Variants in SMAD9 observed in about 807,000 individuals in gnomAD.
The protein encoded by SMAD9 is SMAD family member 9, also known as MAD homolog 9.
Under a neutral mutation model 46.1 loss-of-function variants are expected in SMAD9, and 36 were observed. The ratio of observed to expected loss-of-function variants is 0.78; its 90% CI spans 0.60 to 1.03. The LOEUF (loss-of-function observed/expected upper bound fraction) is 1.03. SMAD9 is among the 50% of genes least tolerant of loss of function. The pLI, the probability that SMAD9 is intolerant of heterozygous loss-of-function variation, is 0.00. For missense variants in SMAD9, 572 were observed against 599.8 expected, an observed-to-expected ratio of 0.95 and a Z score of 0.48; for synonymous variants, 245 against 237.1, an observed-to-expected ratio of 1.03 and a Z score of -0.31.
intron 2 of SMAD9, among the ~76,000 whole-genome samples, chr13:36,878,513 C>A (rs2058368884): frequency 6.6e-6 from 1 of 152,182 alleles, no homozygotes; most frequent in Non-Finnish European, 1.5e-5. Context: ...GAAGAAATTA[C>A]TTACTGATGC....
chr13:36,876,673 A>T (rs1317720421), intron 2 of SMAD9, among the ~76,000 whole-genome samples: 2 of 152,222 alleles, frequency 1.3e-5, no homozygotes. Context: ...CTTGGAAAGC[A>T]CTGAAGTCAA....
chr13:36,855,659 T>C (rs1468838499), intron 5 of SMAD9, among the ~76,000 whole-genome samples: 1 of 152,184 alleles, frequency 6.6e-6, no homozygotes, highest in Non-Finnish European at 1.5e-5. Context: ...ACTCTGAATC[T>C]AGGAAACGTT....
intron 5 of SMAD9, among the ~76,000 whole-genome samples, chr13:36,853,957 A>G (rs1464554736): frequency 1.3e-5 from 2 of 152,102 alleles, no homozygotes; most frequent in African/African-American, 4.8e-5. Flanking sequence ...TCGGGAGTTC[A>G]AGACTAGCCT....
chr13:36,905,638 G>C (rs1409329084), intron 1 of SMAD9, among the ~76,000 whole-genome samples: 1 of 151,632 alleles, frequency 6.6e-6, no homozygotes, highest in African/African-American at 2.4e-5. Flanking sequence ...GCCAGGTGTG[G>C]CTCTGCAGGC....
chr13:36,911,812 G>A lies in SMAD9; in HGVS notation c.-187+8304C>T, dbSNP rs186090653. Among the ~76,000 whole-genome samples the A allele has an allele frequency of 5.4e-3, 817 of 152,218 alleles. 20 individuals are homozygous for A. Among genetic ancestry groups the A allele is most frequent in the Admixed American group, 0.041 (620 of 15,292 alleles). On this transcript the variant is annotated intron_variant, in intron 1 of 6. Transcript: ENST00000379826. ...CAACCTCTGCCTCCTGGGTTCAAGC[G>A]ATTCTCCTGCCTCAGCCTCCCCAGT...
At chr13:36,855,667 G>A (rs181006084) in intron 5 of SMAD9, among the ~76,000 whole-genome samples, 2 of 152,290 alleles carry the variant, frequency 1.3e-5, no homozygotes, top group East Asian at 1.9e-4. Context: ...TCTAGGAAAC[G>A]TTACTGACAT....
intron 3 of SMAD9, among the ~76,000 whole-genome samples, chr13:36,872,387 T>C (rs1053020391): frequency 3.3e-5 from 5 of 150,904 alleles, no homozygotes; most frequent in Admixed American, 6.6e-5. Context: ...AAAAAAATCC[T>C]TGGAAATTCC....
intron 1 of SMAD9, among the ~76,000 whole-genome samples, chr13:36,908,696 G>A (rs1048203766): frequency 2.0e-5 from 3 of 151,932 alleles, no homozygotes; most frequent in African/African-American, 4.8e-5. Context: ...CATAATAATC[G>A]CATCTGATAA....
chr13:36,872,768 G>C lies in SMAD9; in HGVS notation c.560C>G (p.Ser187Cys). ...GTGGCTGGGTGAGGGAGGGAGTGCA[G>C]AGCACGGAGGCTGCTGGAAAGAGTC... ...YPDSFQQPPC[S>C]ALPPSPSHAF... is the part of the protein sequence containing the mutation. The change falls in exon 3 of 7, where the codon TCT becomes TGT. Residue 187 changes from serine (S) to cysteine (C), a missense_variant. Physicochemically the swap from Ser to Cys is moderately radical, Grantham distance 112. Transcript: ENST00000379826. 2 of 1,614,122 alleles carry C rather than the reference G, an allele frequency of 1.2e-6. No individual in the cohort carries two copies. Among genetic ancestry groups the C allele is most frequent in the Non-Finnish European group, 1.7e-6 (2 of 1,180,022 alleles).
intron 6 of SMAD9, among the ~76,000 whole-genome samples, chr13:36,850,419 AC>A (rs1343636066): frequency 6.6e-6 from 1 of 152,056 alleles, no homozygotes; most frequent in Non-Finnish European, 1.5e-5. Context: ...TGGCTCTGTC[AC>A]CCAGGCTGGA....
chr13:36,875,638 CTTCT>C (rs1193240780), intron 2 of SMAD9, among the ~76,000 whole-genome samples: 7 of 152,316 alleles, frequency 4.6e-5, no homozygotes, highest in Middle Eastern at 3.4e-3. Context: ...ATGTGTATGG[CTTCT>C]TTGTCAATGA....
At chr13:36,897,286 T>A (rs939859354) in intron 1 of SMAD9, among the ~76,000 whole-genome samples, 4 of 152,242 alleles carry the variant, frequency 2.6e-5, no homozygotes, top group African/African-American at 9.6e-5. Flanking sequence ...TATAGATATT[T>A]TACTCTGCAT....
intron 3 of SMAD9, among the ~76,000 whole-genome samples, chr13:36,869,219 C>T (rs377649438): frequency 6.2e-4 from 94 of 151,692 alleles, no homozygotes; most frequent in African/African-American, 2.1e-3. Context: ...ATGAATGCAC[C>T]TAATGCCATC....
In SMAD9 at chr13:36,879,375, G is replaced by A. The variant is rs762750720; in HGVS notation, c.315C>T (p.His105=). Residue 105 remains histidine, a synonymous_variant, in exon 2 of 7, where the codon CAC becomes CAT. Transcript: ENST00000379826. Reference sequence around the variant, plus strand: ...CACAGCACTCCAGCGGCTTCAGCTCGTGGTGGGACTGCAGATCCGGCCAGC... The same window carrying A: ...CACAGCACTCCAGCGGCTTCAGCTCATGGTGGGACTGCAGATCCGGCCAGC... ...VWRWPDLQSH[H]ELKPLECCEF... 29 of 1,613,956 alleles carry A rather than the reference G, an allele frequency of 1.8e-5. No individual in the cohort carries two copies. The highest frequency in any genetic ancestry group is 1.2e-4 in the Admixed American group (7 of 60,004).
Position 36,885,276 on chromosome 13 carries a change from T to C in SMAD9, c.-186-5401A>G, listed in dbSNP as rs1019926590. On this transcript the variant is annotated intron_variant, in intron 1 of 6. Transcript: ENST00000379826. ...TACTTTACACACAAGTATAAAACTA[T>C]GTCCAAAAGGACTTCTATCTAGAAA... is the stretch of plus-strand genomic sequence containing the variant. Among the ~76,000 whole-genome samples, 5 of 152,328 alleles carry C rather than the reference T, an allele frequency of 3.3e-5. No homozygotes were observed. In the East Asian group the frequency reaches 7.7e-4, roughly 24 times the overall value.
chr13:36,849,028 C>G (rs1334480019), intron 6 of SMAD9, among the ~76,000 whole-genome samples: 1 of 152,322 alleles, frequency 6.6e-6, no homozygotes, highest in African/African-American at 2.4e-5. Flanking sequence ...TCAGTGCATT[C>G]CCTCAGGGTT....
intron 3 of SMAD9, among the ~76,000 whole-genome samples, chr13:36,871,166 T>C (rs1295063802): frequency 6.6e-6 from 1 of 152,196 alleles, no homozygotes; most frequent in Non-Finnish European, 1.5e-5. Context: ...TGCTCAGTCA[T>C]CACTTACTGA....
intron 1 of SMAD9, among the ~76,000 whole-genome samples, chr13:36,890,472 C>T (rs769415758): frequency 3.9e-5 from 6 of 152,130 alleles, no homozygotes; most frequent in Admixed American, 1.3e-4. Flanking sequence ...ATTTTATTGA[C>T]GTAGTCAATG....
At chr13:36,896,014 C>T (rs908006699) in intron 1 of SMAD9, among the ~76,000 whole-genome samples, 4 of 152,138 alleles carry the variant, frequency 2.6e-5, no homozygotes, top group African/African-American at 9.7e-5. Flanking sequence ...TTTGAAAAGA[C>T]TTAGTTTTAA....
Sources: gnomAD v4.1 joint callset for allele counts (sites outside exome capture counted in the v4.1 genomes callset) on GRCh38, gnomAD v4.1.1 for gene constraint, MANE v1.5 for transcripts, NCBI Gene and HGNC (gene_info 2026-07-23, HGNC 2026-07-21) for gene names.